Variants in PREX1 observed in about 807,000 individuals in gnomAD.
PREX1 encodes the protein phosphatidylinositol 3,4,5-trisphosphate-dependent Rac exchanger 1 protein.
Under a neutral mutation model 198.3 loss-of-function variants are expected in PREX1, and 41 were observed. That is an observed-to-expected ratio of 0.21 (90% confidence interval 0.16 to 0.27). The LOEUF is 0.27. Among genes scored for constraint, PREX1 ranks in the 10% least tolerant of loss-of-function variants. PREX1 has a pLI of 1.00. For missense variants in PREX1, 1,620 were observed against 2,200.7 expected (o/e 0.74, Z 5.28); for synonymous variants, 843 against 887.2 (o/e 0.95, Z 0.89).
At position 48,756,918 on chromosome 20, in the gene PREX1, G is replaced by A. The variant is rs536442160; in HGVS notation, c.220-9038C>T. 5.3e-5 allele frequency among the ~76,000 whole-genome samples: 8 copies of A among 152,290 alleles called. No homozygotes were observed. In the South Asian group the frequency reaches 6.2e-4, roughly 12 times the overall value. On this transcript the variant is annotated intron_variant, in intron 1 of 39. Coordinates refer to ENST00000371941, the MANE Select transcript of PREX1 (RefSeq NM_020820.4). Reference sequence around the variant, plus strand: ...GAAGTAAAGTTATGTCTTACATGGCGGCAGGCAAGAGAGCTTGTGTAGGGG... The same window carrying A: ...GAAGTAAAGTTATGTCTTACATGGCAGCAGGCAAGAGAGCTTGTGTAGGGG...
At chr20:48,668,271 C>T (rs527462784) in intron 14 of PREX1, among the ~76,000 whole-genome samples, 3 of 152,168 alleles carry the variant, frequency 2.0e-5, no homozygotes, top group South Asian at 4.1e-4. Flanking sequence ...GAAGGCAGCA[C>T]GGCCGACCAG....
chr20:48,731,385 T>C (rs1601101727), intron 4 of PREX1, among the ~76,000 whole-genome samples: 1 of 152,224 alleles, frequency 6.6e-6, no homozygotes, highest in East Asian at 1.9e-4. Context: ...TAACATCACA[T>C]TATCATTGAA....
chr20:48,726,928 T>A (rs2090013250), intron 4 of PREX1, among the ~76,000 whole-genome samples: 1 of 152,160 alleles, frequency 6.6e-6, no homozygotes, highest in African/African-American at 2.4e-5. Flanking sequence ...GCAGTTAAAA[T>A]GAGATAACCA....
In PREX1 at chr20:48,791,432, ATTTGCCC is replaced by A. The variant is rs2090338460; in HGVS notation, c.219+36203_219+36209del. Among the ~76,000 whole-genome samples, 5 of 152,204 alleles carry A rather than the reference ATTTGCCC, an allele frequency of 3.3e-5. No homozygotes were observed. In the South Asian group the frequency reaches 8.3e-4, roughly 25 times the overall value. On this transcript the variant is annotated intron_variant, in intron 1 of 39. Coordinates refer to ENST00000371941, the MANE Select transcript of PREX1 (RefSeq NM_020820.4). ...GAAACCAAGGCACAGAGGTCAAGTC[ATTTGCCC>A]CAAGGTCACCCTGCTGGTGAGGGGT... is the stretch of plus-strand genomic sequence containing the variant.
At chr20:48,749,957 G>A (rs1276649232) in intron 1 of PREX1, among the ~76,000 whole-genome samples, 2 of 150,848 alleles carry the variant, frequency 1.3e-5, no homozygotes, top group Non-Finnish European at 2.9e-5. Context: ...CTTCTCCCCT[G>A]AAACCCCCAG....
chr20:48,748,873 A>G (rs184755906), intron 1 of PREX1, among the ~76,000 whole-genome samples: 1 of 152,276 alleles, frequency 6.6e-6, no homozygotes, highest in East Asian at 1.9e-4. Flanking sequence ...TTTTCAAAAG[A>G]AAAGTCTCCC....
intron 33 of PREX1, among the ~76,000 whole-genome samples, chr20:48,632,885 C>T (rs1306166415): frequency 2.0e-5 from 3 of 152,226 alleles, no homozygotes; most frequent in Non-Finnish European, 4.4e-5. Flanking sequence ...ACCTCCCTTT[C>T]GCCTGCTTCA....
intron 9 of PREX1, 95 bp downstream of exon 9, chr20:48,690,852 G>T: frequency 3.2e-6 from 5 of 1,539,818 alleles, no homozygotes; most frequent in East Asian, 2.3e-5. Context: ...CTCCTGAAAA[G>T]GACCCTATGC....
At chr20:48,667,897 C>T (rs1485542571) in intron 14 of PREX1, among the ~76,000 whole-genome samples, 2 of 152,134 alleles carry the variant, frequency 1.3e-5, no homozygotes, top group Admixed American at 6.5e-5. Context: ...TGGAGGACCC[C>T]AAGGACAAGG....
At position 48,638,099 on chromosome 20, in the gene PREX1, A is replaced by C. The variant is rs2089379526; in HGVS notation, c.3905-347T>G. Among the ~76,000 whole-genome samples, 3 of 152,074 alleles carry C rather than the reference A, an allele frequency of 2.0e-5. No individual in the cohort carries two copies. In the South Asian group the frequency reaches 6.2e-4, roughly 31 times the overall value. On this transcript the variant is annotated intron_variant, in intron 30 of 39. Coordinates refer to ENST00000371941, the MANE Select transcript of PREX1 (RefSeq NM_020820.4). ...GTACAACCTAGATACACACGTATCC[A>C]TACACACACACACTCACACATCAAC...
At chr20:48,706,981 C>T (rs61316299) in intron 6 of PREX1, among the ~76,000 whole-genome samples, 3,627 of 152,242 alleles carry the variant, frequency 0.024, 148 homozygotes, top group African/African-American at 0.084. Context: ...CAGGAAAAGG[C>T]TCCTCAGGTG....
At chr20:48,685,646 G>A (rs187375856) in intron 10 of PREX1, among the ~76,000 whole-genome samples, 73 of 152,312 alleles carry the variant, frequency 4.8e-4, no homozygotes, top group African/African-American at 1.7e-3. Context: ...GACAAATCAG[G>A]CCAGGTGCAG....
intron 1 of PREX1, among the ~76,000 whole-genome samples, chr20:48,781,400 A>G (rs761298220): frequency 1.3e-5 from 2 of 152,188 alleles, no homozygotes; most frequent in African/African-American, 2.4e-5. Flanking sequence ...ATCTCAAAAT[A>G]AAAAGTTTCT....
chr20:48,881,641 G>A, the PREX1 span, among the ~76,000 whole-genome samples: 7 of 151,888 alleles, frequency 4.6e-5, no homozygotes, highest in Non-Finnish European at 7.4e-5. Flanking sequence ...CACCTGCCAC[G>A]ACGCCCAGCT....
intron 1 of PREX1, among the ~76,000 whole-genome samples, chr20:48,785,115 T>C (rs1157596720): frequency 6.6e-6 from 1 of 152,186 alleles, no homozygotes; most frequent in Non-Finnish European, 1.5e-5. Context: ...GGTTTCACCA[T>C]GTTGGCCAGG....
chr20:48,711,879 C>T (rs1381560406), intron 5 of PREX1, among the ~76,000 whole-genome samples: 1 of 152,212 alleles, frequency 6.6e-6, no homozygotes, highest in African/African-American at 2.4e-5. Context: ...TTCTCCTTTC[C>T]CTCTTCCTTG....
chr20:48,873,829 C>T, the PREX1 span, among the ~76,000 whole-genome samples: 8 of 152,160 alleles, frequency 5.3e-5, no homozygotes, highest in Non-Finnish European at 1.2e-4. Context: ...CCACCATCTT[C>T]CCCCTACTCC....
rs1260159557 is a variant in PREX1 at position 48,748,378 on chromosome 20, T to A, written c.220-498A>T. Among the ~76,000 whole-genome samples, 3 of 151,398 alleles carry A rather than the reference T, an allele frequency of 2.0e-5. No homozygotes were observed. In the East Asian group the frequency reaches 5.8e-4, roughly 29 times the overall value. On this transcript the variant is annotated intron_variant, in intron 1 of 39. Coordinates refer to ENST00000371941, the MANE Select transcript of PREX1 (RefSeq NM_020820.4). ...CTTACCCCAGCCCCAAACCATCTAGTCCCTCCCCAACCCCTACAGGAACCC... is the reference window on the plus strand; with the variant it reads ...CTTACCCCAGCCCCAAACCATCTAGACCCTCCCCAACCCCTACAGGAACCC...
chr20:48,797,325 C>T (rs1176075228), intron 1 of PREX1, among the ~76,000 whole-genome samples: 2 of 151,938 alleles, frequency 1.3e-5, no homozygotes, highest in South Asian at 2.1e-4. Context: ...GGCCAAATGA[C>T]GGCCCCCTGC....
Sources: allele counts gnomAD v4.1 joint callset (sites outside exome capture counted in the v4.1 genomes callset), GRCh38; gene constraint gnomAD v4.1.1; transcripts MANE v1.5; gene names NCBI Gene and HGNC (gene_info 2026-07-23, HGNC 2026-07-21).